SBDS: variants seen among roughly 807,000 people sequenced by gnomAD.
SBDS encodes the protein SBDS ribosome maturation factor, also known as ribosome maturation protein SBDS.
SBDS carries 20 observed loss-of-function variants against 26.4 expected under a neutral mutation model. The ratio of observed to expected loss-of-function variants is 0.76; its 90% CI spans 0.53 to 1.10. SBDS has a LOEUF of 1.10. Ranked by LOEUF, SBDS falls within the 50% of genes least tolerant of loss-of-function variation. SBDS has a pLI of 0.00. For missense variants in SBDS, 241 were observed against 302.0 expected (o/e 0.80, Z 1.50); for synonymous variants, 95 against 105.1 (o/e 0.90, Z 0.59).
chr7:66,990,377 T>C (rs1285534699), intron 4 of SBDS, among the ~76,000 whole-genome samples: 5 of 152,342 alleles, frequency 3.3e-5, no homozygotes, highest in African/African-American at 7.2e-5. Context: ...CTTTGGACTT[T>C]AGAGATTTTG....
At position 66,995,542 on chromosome 7, in the gene SBDS, C is replaced by T. The variant is rs1793094749; in HGVS notation, c.-125G>A. ...CGGCACTGACCCAACCACCAGTGCGCGGCGCCGCGACTCACTAGCTTCAGG... is the reference window on the plus strand; with the variant it reads ...CGGCACTGACCCAACCACCAGTGCGTGGCGCCGCGACTCACTAGCTTCAGG... On this transcript the variant is annotated 5_prime_UTR_variant, in exon 1 of 5. Transcript: ENST00000246868. 1.6e-5 allele frequency: 22 copies of T among 1,412,412 alleles called. No homozygotes were observed. The South Asian group carries it at 2.3e-4, about 15-fold the overall frequency. 87.5% of individuals were successfully genotyped at this position (1,412,412 alleles called of 1,614,324 possible).
Position 66,995,386 on chromosome 7 carries a change from C to A in SBDS, c.32G>T (p.Arg11Leu), listed in dbSNP as rs11557409. ...CCGTACCACGGCCACATTGGTTAGGCGGATCTGGTTGGTGGGGGTGAAGAT... is the reference window on the plus strand; with the variant it reads ...CCGTACCACGGCCACATTGGTTAGGAGGATCTGGTTGGTGGGGGTGAAGAT... MSIFTPTNQI[R>L]LTNVAVVRMK... The change falls in exon 1 of 5, where the codon CGC becomes CTC. Residue 11 changes from arginine to leucine, a missense_variant. By Grantham distance (102) the Arg-to-Leu change is moderately radical. Coordinates refer to ENST00000246868, the MANE Select transcript of SBDS (RefSeq NM_016038.4). 5.0e-6 allele frequency: 8 copies of A among 1,613,980 alleles called. No individual in the cohort carries two copies. The highest frequency in any genetic ancestry group is 1.3e-5 in the African/African-American group (1 of 74,948).
chr7:66,990,160 C>T (rs1584435008), intron 4 of SBDS, among the ~76,000 whole-genome samples: 1 of 152,140 alleles, frequency 6.6e-6, no homozygotes, highest in African/African-American at 2.4e-5. Flanking sequence ...GCTGGGATTA[C>T]AGGCATGTGC....
Position 66,988,460 on chromosome 7 carries a change from C to G in SBDS, c.664G>C (p.Glu222Gln), listed in dbSNP as rs371133001. The G allele has an allele frequency of 6.3e-5, 101 of 1,613,702 alleles. No homozygotes were observed. In the Middle Eastern group the frequency reaches 1.2e-3, roughly 18 times the overall value. ...IDPGCFREID[E>Q]LIKKETKGKG... ...CCTTTAGTTTCCTTTTTTATTAGCT[C>G]ATCAATTTCTCGGAAGCAGCCCGGG... is the stretch of plus-strand genomic sequence containing the variant. Residue 222 changes from glutamate to glutamine, a missense_variant, in exon 5 of 5, where the codon GAG becomes CAG. By Grantham distance (29) the Glu-to-Gln change is conservative. Coordinates refer to ENST00000246868, the MANE Select transcript of SBDS (RefSeq NM_016038.4).
intron 1 of SBDS, among the ~76,000 whole-genome samples, chr7:66,994,897 A>G (rs1793064504): frequency 6.6e-6 from 1 of 152,238 alleles, no homozygotes; most frequent in Admixed American, 6.5e-5. Context: ...GGCAGCAGTG[A>G]AGACACTACG....
At position 66,995,513 on chromosome 7, in the gene SBDS, C is replaced by T; in HGVS notation, c.-96G>A. The stretch of plus-strand genomic sequence containing the variant: ...GCGCCTCGCGGTAACGACCGATCGG[C>T]GCGCGGCACTGACCCAACCACCAGT... On this transcript the variant is annotated 5_prime_UTR_variant, in exon 1 of 5. Transcript: ENST00000246868. The T allele has an allele frequency of 6.3e-7, 1 of 1,584,028 alleles. No individual in the cohort carries two copies. Among genetic ancestry groups the T allele is most frequent in the Non-Finnish European group, 8.6e-7 (1 of 1,159,218 alleles).
At chr7:66,988,567 C>A in intron 4 of SBDS, 68 bp from the exon 5 acceptor site, 1 of 1,583,082 alleles carries the variant, frequency 6.3e-7, no homozygotes, top group South Asian at 1.1e-5. Context: ...TCAGCTTTAA[C>A]TTCCTTTGAG....
chr7:66,994,035 A>C (rs914806041), intron 2 of SBDS, among the ~76,000 whole-genome samples, 177 bp downstream of exon 2: 9 of 147,740 alleles, frequency 6.1e-5, no homozygotes, highest in Non-Finnish European at 8.8e-5. Flanking sequence ...AAAAAAAAAA[A>C]AAACCACAAA....
Position 66,994,200 on chromosome 7 carries a change from G to A in SBDS, c.258+12C>T, listed in dbSNP as rs1793036805. On this transcript the variant is annotated intron_variant, in intron 2 of 4. Coordinates refer to ENST00000246868, the MANE Select transcript of SBDS (RefSeq NM_016038.4). ...GGTTATTAGGGTTAGCTATGCTGCA[G>A]CTGTTACCCACCTGCTTACAGATTT... The A allele has an allele frequency of 1.2e-6, 2 of 1,613,744 alleles. No individual in the cohort carries two copies. Among genetic ancestry groups the A allele is most frequent in the African/African-American group, 2.7e-5 (2 of 75,032 alleles).
chr7:66,991,052 C>A, intron 4 of SBDS, 85 bp downstream of exon 4: 2 of 1,241,564 alleles, frequency 1.6e-6, no homozygotes, highest in African/African-American at 1.5e-5. Flanking sequence ...CTGACGTTTA[C>A]AACATCTAAA....
rs1394707265 is a variant in SBDS at position 66,995,294 on chromosome 7, C to T, written c.124G>A (p.Gly42Ser). 3 of 1,613,698 alleles carry T rather than the reference C, an allele frequency of 1.9e-6. No homozygotes were observed. The highest frequency in any genetic ancestry group is 2.7e-5 in the African/African-American group (2 of 74,934). The change falls in exon 1 of 5, where the codon GGC becomes AGC. Residue 42 changes from glycine (G) to serine (S), a missense_variant. Physicochemically the swap from Gly to Ser is moderately conservative, Grantham distance 56 (BLOSUM62 0). Transcript: ENST00000246868. ...CCGAGGGAGGGGGCTACTCACACGC[C>T]GCTCCGCCAGCCGACGACCTTGTTT... ...YKNKVVGWRS[G>S]VEKDLDEVLQ...
At chr7:66,989,991 T>C (rs183937109) in intron 4 of SBDS, among the ~76,000 whole-genome samples, 2 of 152,234 alleles carry the variant, frequency 1.3e-5, no homozygotes, top group African/African-American at 4.8e-5. Context: ...AGAATTCAGC[T>C]TTCAGAATTT....
chr7:66,995,573 G>A lies in SBDS; in HGVS notation c.-156C>T, dbSNP rs1793096645. On this transcript the variant is annotated 5_prime_UTR_variant, in exon 1 of 5. It adds an upstream start codon to the 5' untranslated region. Coordinates refer to ENST00000246868, the MANE Select transcript of SBDS (RefSeq NM_016038.4). ...CGCGACTCACTAGCTTCAGGCAGCC[G>A]TCACAGTGTGTCTGGCAGGCTTACT... 10 of 1,044,900 alleles carry A rather than the reference G, an allele frequency of 9.6e-6. No individual in the cohort carries two copies. Among genetic ancestry groups the A allele is most frequent in the East Asian group, 2.6e-5 (1 of 38,700 alleles). The allele number at this position is 1,044,900 out of a possible 1,614,324, so 64.7% of individuals were successfully genotyped here. A position where few individuals can be genotyped will look rare whatever the true frequency, so the allele number is the denominator to read the frequency against.
chr7:66,992,779 G>A (rs1268285885), intron 3 of SBDS, among the ~76,000 whole-genome samples: 1 of 152,010 alleles, frequency 6.6e-6, no homozygotes, highest in Non-Finnish European at 1.5e-5. Flanking sequence ...AGGCCAAGGC[G>A]GACGGATCAC....
intron 1 of SBDS, among the ~76,000 whole-genome samples, chr7:66,994,648 C>T (rs1793057114): frequency 2.0e-5 from 3 of 152,178 alleles, no homozygotes; most frequent in Admixed American, 1.3e-4. Context: ...GCATGCGCCA[C>T]CACACCCGGC....
chr7:66,995,523 T>C lies in SBDS; in HGVS notation c.-106A>G. 1 of 1,547,558 alleles carries C rather than the reference T, an allele frequency of 6.5e-7. No individual in the cohort carries two copies. Among genetic ancestry groups the C allele is most frequent in the Non-Finnish European group, 8.9e-7 (1 of 1,129,756 alleles). On this transcript the variant is annotated 5_prime_UTR_variant, in exon 1 of 5. Transcript: ENST00000246868. ...GTAACGACCGATCGGCGCGCGGCACTGACCCAACCACCAGTGCGCGGCGCC... is the reference window on the plus strand; with the variant it reads ...GTAACGACCGATCGGCGCGCGGCACCGACCCAACCACCAGTGCGCGGCGCC...
At chr7:66,988,888 T>C (rs1792919479) in intron 4 of SBDS, among the ~76,000 whole-genome samples, 1 of 152,086 alleles carries the variant, frequency 6.6e-6, no homozygotes, top group East Asian at 1.9e-4. Flanking sequence ...GTAGACACCA[T>C]GTGTATGTTA....
chr7:66,992,602 A>G (rs1792997442), intron 3 of SBDS, among the ~76,000 whole-genome samples: 1 of 152,124 alleles, frequency 6.6e-6, no homozygotes, highest in African/African-American at 2.4e-5. Context: ...TTTACTTGAA[A>G]AAAAAAAATT....
Position 66,988,339 on chromosome 7 carries a change from T to C in SBDS, c.*32A>G, listed in dbSNP as rs766366970. The C allele has an allele frequency of 1.1e-5, 18 of 1,608,184 alleles. No homozygotes were observed. Among genetic ancestry groups the C allele is most frequent in the Admixed American group, 6.7e-5 (4 of 59,980 alleles). ...AGTGCCGTCGGAAACGGAAACACTTTAGTGTTTTAGAGGTGAAGAGATTGA... is the reference window on the plus strand; with the variant it reads ...AGTGCCGTCGGAAACGGAAACACTTCAGTGTTTTAGAGGTGAAGAGATTGA... On this transcript the variant is annotated 3_prime_UTR_variant, in exon 5 of 5. Coordinates refer to ENST00000246868, the MANE Select transcript of SBDS (RefSeq NM_016038.4).
Sources: gnomAD v4.1 joint callset for allele counts (sites outside exome capture counted in the v4.1 genomes callset) on GRCh38, gnomAD v4.1.1 for gene constraint, MANE v1.5 for transcripts, NCBI Gene and HGNC (gene_info 2026-07-23, HGNC 2026-07-21) for gene names.